Variants in GFM2 observed in about 807,000 individuals in gnomAD.
GFM2 encodes the protein ribosome-releasing factor 2, mitochondrial.
A neutral mutation model predicts 95.4 loss-of-function variants in GFM2; 72 were observed. That is an observed-to-expected ratio of 0.76 (90% CI 0.62 to 0.92). GFM2 has a LOEUF of 0.92. Ranked by LOEUF, GFM2 falls within the 40% of genes least tolerant of loss-of-function variation. The probability of loss-of-function intolerance (pLI) is 0.00; values close to 1 mark genes in which losing one functional copy is unlikely to be tolerated. For missense variants in GFM2, 825 were observed against 924.1 expected, an observed-to-expected ratio of 0.89 and a Z score of 1.39; for synonymous variants, 276 against 317.5, an observed-to-expected ratio of 0.87 and a Z score of 1.39.
rs575639377 is a variant in GFM2 at position 74,761,090 on chromosome 5, T to C, written c.64-104A>G. The stretch of plus-strand genomic sequence containing the variant: ...TTGTCAGAAGATAAAATATTTTGTA[T>C]AGCTTTAAAGTAGTCCTAATTTATT... On this transcript the variant is annotated intron_variant, in intron 2 of 20. Coordinates refer to ENST00000296805, the MANE Select transcript of GFM2 (RefSeq NM_032380.5). 9.9e-5 allele frequency: 69 copies of C among 694,950 alleles called. 1 individual carries two copies. The East Asian group carries it at 1.7e-3, about 17-fold the overall frequency. The allele number at this position is 694,950 out of a possible 1,614,324, so 43.0% of individuals were successfully genotyped here.
intron 19 of GFM2, 105 bp downstream of exon 19, chr5:74,725,535 C>T: frequency 1.5e-6 from 1 of 669,358 alleles, no homozygotes; most frequent in East Asian, 2.6e-5. Context: ...GCTGAGGAGG[C>T]AAAGACACAA....
At chr5:74,760,271 G>A (rs760336673) in intron 3 of GFM2, among the ~76,000 whole-genome samples, 10 of 152,018 alleles carry the variant, frequency 6.6e-5, no homozygotes, top group South Asian at 4.1e-4. Flanking sequence ...CACCAATAAC[G>A]TAGCCCATTA....
rs141864707 is a variant in GFM2 at position 74,745,750 on chromosome 5, C to T, written c.777G>A (p.Lys259=). The change falls in exon 10 of 21, where the codon AAG becomes AAA. Residue 259 remains lysine (K), a synonymous_variant. Transcript: ENST00000296805. ...NSNDGKDFER[K]PLLEMNDPEL... ...CAGGATCATTCATTTCCAAGAGGGG[C>T]TTTCTCTCAAAGTCTTTTCCATCAT... 9.2e-5 allele frequency: 148 copies of T among 1,613,762 alleles called. No individual in the cohort carries two copies. The African/African-American group carries it at 1.6e-3, about 18-fold the overall frequency.
rs1412088734 is a variant in GFM2, at chr5:74,747,673, T to C, written c.608+19A>G. 1.4e-6 allele frequency: 2 copies of C among 1,467,636 alleles called. No homozygotes were observed. The highest frequency in any genetic ancestry group is 1.9e-6 in the Non-Finnish European group (2 of 1,049,816). 90.9% of individuals were successfully genotyped at this position (1,467,636 alleles called of 1,614,324 possible). ...TTGTAGTTTCACCCTGATAAGCCAA[T>C]GAAACACATTTCAAATACCTTGCTC... On this transcript the variant is annotated intron_variant, in intron 8 of 20. Transcript: ENST00000296805.
At chr5:74,727,824 C>T (rs1016081221) in intron 17 of GFM2, among the ~76,000 whole-genome samples, 1 of 151,974 alleles carries the variant, frequency 6.6e-6, no homozygotes, top group Non-Finnish European at 1.5e-5. Flanking sequence ...ATGTATACAT[C>T]GTGGAATGAT....
At chr5:74,755,595 A>G (rs548819866) in intron 5 of GFM2, among the ~76,000 whole-genome samples, 2 of 152,292 alleles carry the variant, frequency 1.3e-5, no homozygotes, top group South Asian at 4.1e-4. Flanking sequence ...TACTATGAAC[A>G]CCTTTACGCG....
intron 5 of GFM2, 29 bp downstream of exon 5, chr5:74,758,820 G>A: frequency 1.5e-6 from 2 of 1,324,044 alleles, no homozygotes; most frequent in Non-Finnish European, 1.1e-6. Flanking sequence ...GCTAATGGGG[G>A]GGTGGGAAGA....
chr5:74,747,355 C>T (rs1464737210), intron 8 of GFM2, among the ~76,000 whole-genome samples: 1 of 152,122 alleles, frequency 6.6e-6, no homozygotes, highest in Non-Finnish European at 1.5e-5. Flanking sequence ...TGATGGGAAG[C>T]GCCATACCTT....
Position 74,736,721 on chromosome 5 carries a change from CTT to C in GFM2, c.1510+73_1510+74del, listed in dbSNP as rs1374997160. 4 of 1,588,338 alleles carry C rather than the reference CTT, an allele frequency of 2.5e-6. No individual in the cohort carries two copies. The African/African-American group carries it at 5.4e-5, about 22-fold the overall frequency. ...TTTACCTCAATCACATAAGAAATCTCTTGAGGGTATATTGCAACTATTTTATA... is the reference window on the plus strand; with the variant it reads ...TTTACCTCAATCACATAAGAAATCTCGAGGGTATATTGCAACTATTTTATA... On this transcript the variant is annotated intron_variant, in intron 15 of 20. Transcript: ENST00000296805.
At chr5:74,725,333 C>G (rs1428968421) in intron 19 of GFM2, 2 of 241,766 alleles carry the variant, frequency 8.3e-6, no homozygotes, top group African/African-American at 4.5e-5. Flanking sequence ...ACCTACCATG[C>G]TTGCCTCTAA....
intron 10 of GFM2, among the ~76,000 whole-genome samples, 153 bp downstream of exon 10, chr5:74,745,525 T>C (rs1743337148): frequency 6.6e-6 from 1 of 152,228 alleles, no homozygotes; most frequent in Non-Finnish European, 1.5e-5. Flanking sequence ...ATGCAAATAC[T>C]ACATCATTTT....
intron 5 of GFM2, among the ~76,000 whole-genome samples, chr5:74,756,038 T>G (rs1017759560): frequency 6.6e-6 from 1 of 152,180 alleles, no homozygotes; most frequent in Admixed American, 6.5e-5. Context: ...ATACCAGGAA[T>G]GCAGGGATAG....
chr5:74,753,927 A>C (rs2112334513), intron 5 of GFM2, among the ~76,000 whole-genome samples: 1 of 152,092 alleles, frequency 6.6e-6, no homozygotes, highest in East Asian at 1.9e-4. Context: ...AGGTTATCTA[A>C]AGTCAAGACA....
At chr5:74,740,206 G>GAAAACCTCTA in intron 11 of GFM2, 69 bp from the exon 12 acceptor site, 2 of 1,381,114 alleles carry the variant, frequency 1.4e-6, no homozygotes, top group Non-Finnish European at 2.0e-6. Flanking sequence ...CAAAATTAGA[G>GAAAACCTCTA]GTTTTCTCTA....
chr5:74,752,825 G>C (rs1425735643), intron 5 of GFM2, among the ~76,000 whole-genome samples: 1 of 152,138 alleles, frequency 6.6e-6, no homozygotes, highest in Non-Finnish European at 1.5e-5. Flanking sequence ...CTGCAGTTTT[G>C]CACTCAGAAA....
intron 18 of GFM2, 87 bp from the exon 19 acceptor site, chr5:74,725,842 C>G: frequency 6.9e-7 from 1 of 1,445,332 alleles, no homozygotes; most frequent in Non-Finnish European, 9.7e-7. Context: ...GGAGAAAACA[C>G]TAACAAAGTT....
chr5:74,746,613 G>A (rs1002537347), intron 8 of GFM2, among the ~76,000 whole-genome samples: 12 of 152,080 alleles, frequency 7.9e-5, no homozygotes, highest in African/African-American at 1.4e-4. Flanking sequence ...TCTTCACATC[G>A]TATGCTACGC....
rs760217821 is a variant in GFM2 at position 74,759,359 on chromosome 5, T to C, written c.206+10A>G. The C allele has an allele frequency of 2.1e-6, 3 of 1,445,166 alleles. No individual in the cohort carries two copies. Among genetic ancestry groups the C allele is most frequent in the South Asian group, 2.4e-5 (2 of 84,756 alleles). The allele number at this position is 1,445,166 out of a possible 1,614,324, so 89.5% of individuals were successfully genotyped here. A position where few individuals can be genotyped will look rare whatever the true frequency, so the allele number is the denominator to read the frequency against. On this transcript the variant is annotated intron_variant, in intron 4 of 20. Coordinates refer to ENST00000296805, the MANE Select transcript of GFM2 (RefSeq NM_032380.5). The stretch of plus-strand genomic sequence containing the variant: ...TCTATGGAAAAGCATGATATAATGA[T>C]AGTACTTACTTAGCTATGGGAGGAT...
At chr5:74,733,333 A>AAC in intron 15 of GFM2, 2 of 358,554 alleles carry the variant, frequency 5.6e-6, no homozygotes, top group Non-Finnish European at 1.0e-5. Context: ...TTTACAAAAA[A>AAC]AGAAAAAAAA....
Sources: gnomAD v4.1 joint callset for allele counts (sites outside exome capture counted in the v4.1 genomes callset) on GRCh38, gnomAD v4.1.1 for gene constraint, MANE v1.5 for transcripts, NCBI Gene and HGNC (gene_info 2026-07-23, HGNC 2026-07-21) for gene names.